CLUL1: variants seen among roughly 807,000 people sequenced by gnomAD.
The protein encoded by CLUL1 is clusterin-like protein 1.
In CLUL1, 43 loss-of-function variants were observed where a neutral mutation model predicts 49.4. That is an observed-to-expected ratio of 0.87 (90% CI 0.68 to 1.12). The LOEUF is 1.12. Among genes scored for constraint, CLUL1 ranks in the 50% most tolerant of loss-of-function variants. The pLI is 0.00. For missense variants in CLUL1, 486 were observed against 544.4 expected, an observed-to-expected ratio of 0.89 and a Z score of 1.07; for synonymous variants, 192 against 184.9, an observed-to-expected ratio of 1.04 and a Z score of -0.31.
At chr18:635,459 G>C (rs1356063130) in intron 7 of CLUL1, among the ~76,000 whole-genome samples, 3 of 152,040 alleles carry the variant, frequency 2.0e-5, no homozygotes, top group African/African-American at 7.2e-5. Context: ...GGCTGATATG[G>C]GTCCGTGGCC....
chr18:628,218 A>G (rs1235102151), intron 6 of CLUL1, among the ~76,000 whole-genome samples: 1 of 152,052 alleles, frequency 6.6e-6, no homozygotes, highest in Non-Finnish European at 1.5e-5. Context: ...GGAATCCTCA[A>G]CTCCCAGTTT....
chr18:642,134 TA>T (rs1356394533), intron 8 of CLUL1, among the ~76,000 whole-genome samples: 1 of 152,170 alleles, frequency 6.6e-6, no homozygotes, highest in Non-Finnish European at 1.5e-5. Flanking sequence ...ACTCGTCACA[TA>T]AAAATACATT....
At chr18:630,460 A>G (rs780418979) in intron 6 of CLUL1, among the ~76,000 whole-genome samples, 18 of 152,112 alleles carry the variant, frequency 1.2e-4, no homozygotes, top group Admixed American at 6.6e-5. Context: ...GATGGATTCA[A>G]TGTAATCACA....
At chr18:634,375 G>A (rs945668490) in intron 7 of CLUL1, among the ~76,000 whole-genome samples, 3 of 151,858 alleles carry the variant, frequency 2.0e-5, no homozygotes, top group African/African-American at 4.8e-5. Flanking sequence ...CTTGTGATCC[G>A]CCCACCTCGG....
At chr18:606,000 A>G (rs964809947) in intron 1 of CLUL1, among the ~76,000 whole-genome samples, 2 of 152,006 alleles carry the variant, frequency 1.3e-5, no homozygotes, top group African/African-American at 2.4e-5. Context: ...TTTTTATTCT[A>G]TGTTTTAATG....
intron 2 of CLUL1, among the ~76,000 whole-genome samples, chr18:615,970 C>T (rs1456607308): frequency 6.6e-6 from 1 of 152,162 alleles, no homozygotes; most frequent in Non-Finnish European, 1.5e-5. Flanking sequence ...TCAGAATTGT[C>T]AAGGTCTGAC....
intron 7 of CLUL1, among the ~76,000 whole-genome samples, chr18:638,370 AAT>A: frequency 6.6e-6 from 1 of 152,340 alleles, no homozygotes; most frequent in Non-Finnish European, 1.5e-5. Flanking sequence ...ATACAGAATA[AAT>A]CAGATAATAC....
At chr18:634,978 A>G (rs1181967230) in intron 7 of CLUL1, among the ~76,000 whole-genome samples, 3 of 152,196 alleles carry the variant, frequency 2.0e-5, no homozygotes, top group African/African-American at 7.2e-5. Flanking sequence ...GGAAATTTTC[A>G]AAGTGTGACT....
chr18:610,411 T>C (rs544615162), intron 2 of CLUL1, among the ~76,000 whole-genome samples: 2 of 152,150 alleles, frequency 1.3e-5, no homozygotes, highest in Admixed American at 1.3e-4. Context: ...TTCCCAAATG[T>C]CTGGATCTGG....
rs2073829592 is a variant in CLUL1, at chr18:627,090, T to G, written c.424-7T>G. 8 of 1,589,220 alleles carry G rather than the reference T, an allele frequency of 5.0e-6. No individual in the cohort carries two copies. Among genetic ancestry groups the G allele is most frequent in the Non-Finnish European group, 6.9e-6 (8 of 1,159,608 alleles). ...ATTCCATTTCTGTCCCCTACTCTACTCCACAGATTGAACGGTTTTTCAGGA... is the reference window on the plus strand; with the variant it reads ...ATTCCATTTCTGTCCCCTACTCTACGCCACAGATTGAACGGTTTTTCAGGA... On this transcript the variant is annotated splice_region_variant and splice_polypyrimidine_tract_variant and intron_variant, in intron 5 of 9. Coordinates refer to ENST00000692774, the MANE Select transcript of CLUL1 (RefSeq NM_001393344.1).
intron 2 of CLUL1, among the ~76,000 whole-genome samples, chr18:611,700 A>G (rs2073139500): frequency 6.6e-6 from 1 of 152,226 alleles, no homozygotes; most frequent in South Asian, 2.1e-4. Context: ...TTACACAAAA[A>G]GAGATGCTTT....
intron 2 of CLUL1, among the ~76,000 whole-genome samples, chr18:610,548 G>C (rs2143955146): frequency 1.3e-5 from 2 of 152,318 alleles, no homozygotes; most frequent in Middle Eastern, 6.8e-3. Context: ...CCTGTCTGTG[G>C]TTCCAGGTAA....
At chr18:642,100 T>C (rs781211087) in intron 8 of CLUL1, among the ~76,000 whole-genome samples, 1 of 152,196 alleles carries the variant, frequency 6.6e-6, no homozygotes, top group Non-Finnish European at 1.5e-5. Flanking sequence ...CTGAGTTATC[T>C]TGAGAATTAA....
At position 619,296 on chromosome 18, in the gene CLUL1, G is replaced by T. The variant is rs746641237; in HGVS notation, c.190G>T (p.Glu64Ter). 1 of 1,613,986 alleles carries T rather than the reference G, an allele frequency of 6.2e-7. No individual in the cohort carries two copies. Among genetic ancestry groups the T allele is most frequent in the Non-Finnish European group, 8.5e-7 (1 of 1,179,924 alleles). ...TGIKQMKIMM[E>*]RKEKEHTNLM... The stretch of plus-strand genomic sequence containing the variant: ...TATTAAGCAAATGAAAATCATGATG[G>T]AAAGAAAAGAGAAGGAACACACCAA... The change falls in exon 4 of 10, where the codon GAA (glutamate) becomes TAA (stop). Residue 64 changes from glutamate to a stop codon, truncating the protein, a stop_gained. Coordinates refer to ENST00000692774, the MANE Select transcript of CLUL1 (RefSeq NM_001393344.1). LOFTEE classifies it high-confidence loss of function.
chr18:610,359 G>C (rs946195990), intron 2 of CLUL1, among the ~76,000 whole-genome samples: 4 of 152,140 alleles, frequency 2.6e-5, no homozygotes, highest in Non-Finnish European at 5.9e-5. Flanking sequence ...GGTCTGCTTG[G>C]GTTGGCCACT....
chr18:611,462 G>C (rs2073133266), intron 2 of CLUL1, among the ~76,000 whole-genome samples: 1 of 152,074 alleles, frequency 6.6e-6, no homozygotes, highest in African/African-American at 2.4e-5. Context: ...TACTCAGGAG[G>C]CTGAGGCGGG....
intron 9 of CLUL1, among the ~76,000 whole-genome samples, chr18:649,179 A>G (rs969138748): frequency 2.0e-5 from 3 of 152,186 alleles, no homozygotes; most frequent in African/African-American, 7.2e-5. Context: ...GTTTAAAGAG[A>G]AAGATACTAA....
chr18:601,142 G>A (rs898692643), intron 1 of CLUL1, among the ~76,000 whole-genome samples: 7 of 152,182 alleles, frequency 4.6e-5, no homozygotes, highest in Non-Finnish European at 8.8e-5. Context: ...TTCTGGAGGT[G>A]ATATTGTTCA....
intron 1 of CLUL1, among the ~76,000 whole-genome samples, chr18:602,216 A>C (rs545535703): frequency 6.6e-6 from 1 of 152,354 alleles, no homozygotes; most frequent in Non-Finnish European, 1.5e-5. Flanking sequence ...CTTGTGCTAC[A>C]TGTGGGGCTA....
Sources: allele counts gnomAD v4.1 joint callset (sites outside exome capture counted in the v4.1 genomes callset), GRCh38; gene constraint gnomAD v4.1.1; transcripts MANE v1.5; gene names NCBI Gene and HGNC (gene_info 2026-07-23, HGNC 2026-07-21).